PYHIN1: variants seen among roughly 807,000 people sequenced by gnomAD.
PYHIN1 encodes pyrin and HIN domain-containing protein 1.
A neutral mutation model predicts 43.7 loss-of-function variants in PYHIN1; 32 were observed. That is an observed-to-expected ratio of 0.73 (90% CI 0.55 to 0.98). The LOEUF (loss-of-function observed/expected upper bound fraction) is 0.98. Ranked by LOEUF, PYHIN1 falls within the 50% of genes least tolerant of loss-of-function variation. The pLI is 0.00. For synonymous variants in PYHIN1, 205 were observed against 203.1 expected (o/e 1.01, Z -0.08); for missense variants, 588 against 589.5 (o/e 1.00, Z 0.03).
At chr1:158,939,361 T>C in intron 4 of PYHIN1, 114 bp downstream of exon 4, 2 of 1,605,240 alleles carry the variant, frequency 1.2e-6, no homozygotes, top group South Asian at 1.1e-5. Flanking sequence ...ATCAAATGTA[T>C]AGACTGAGAA....
At chr1:158,987,493 G>A in the PYHIN1 span, among the ~76,000 whole-genome samples, 1 of 151,922 alleles carries the variant, frequency 6.6e-6, no homozygotes. Context: ...TCCACTGGTT[G>A]TCTTCTCATA....
intron 1 of PYHIN1, among the ~76,000 whole-genome samples, chr1:158,934,482 A>G (rs940301060): frequency 6.6e-6 from 1 of 151,842 alleles, no homozygotes; most frequent in Non-Finnish European, 1.5e-5. Context: ...TAATTTTTGG[A>G]TCTTTGCAGG....
chr1:158,937,622 C>T (rs1378768103), intron 2 of PYHIN1, among the ~76,000 whole-genome samples: 1 of 152,086 alleles, frequency 6.6e-6, no homozygotes, highest in Non-Finnish European at 1.5e-5. Flanking sequence ...TGAAGACCTC[C>T]CCTCTTGTCA....
At chr1:158,969,473 G>A (rs2101728468) in intron 7 of PYHIN1, among the ~76,000 whole-genome samples, 1 of 151,988 alleles carries the variant, frequency 6.6e-6, no homozygotes, top group South Asian at 2.1e-4. Context: ...TAATACATGT[G>A]TACCAGTTGA....
chr1:158,967,703 G>T (rs556400715), intron 7 of PYHIN1, among the ~76,000 whole-genome samples: 3 of 152,060 alleles, frequency 2.0e-5, no homozygotes, highest in South Asian at 2.1e-4. Flanking sequence ...ATACTGCAAG[G>T]TTACAGTAAC....
chr1:158,985,538 G>T, the PYHIN1 span, among the ~76,000 whole-genome samples: 100,183 of 152,014 alleles, frequency 0.66, 35,663 homozygotes, highest in Non-Finnish European at 0.79. Flanking sequence ...TGTGATAAGG[G>T]TTCCCTTTGT....
the PYHIN1 span, among the ~76,000 whole-genome samples, chr1:158,989,927 C>T: frequency 6.5e-3 from 982 of 151,634 alleles, 10 homozygotes; most frequent in African/African-American, 0.023. Flanking sequence ...TTCCATAAAA[C>T]TTGTATTTGT....
At chr1:158,964,813 G>A (rs1104171) in intron 7 of PYHIN1, among the ~76,000 whole-genome samples, 141,901 of 152,228 alleles carry the variant, frequency 0.93, 66,932 homozygotes, top group East Asian at 1. Context: ...GTGACACTAT[G>A]AAGCAACCAC....
downstream of PYHIN1, among the ~76,000 whole-genome samples, chr1:158,979,605 T>C (rs1391572622): frequency 1.3e-5 from 2 of 152,210 alleles, no homozygotes; most frequent in African/African-American, 4.8e-5. Context: ...TCACATCTTG[T>C]CTATTTTGAA....
intron 7 of PYHIN1, among the ~76,000 whole-genome samples, chr1:158,971,315 G>A (rs1020450913): frequency 8.6e-5 from 13 of 152,038 alleles, no homozygotes; most frequent in African/African-American, 3.1e-4. Context: ...ATTTTCCTTA[G>A]TAAAGAGAGT....
At position 158,939,132 on chromosome 1, in the gene PYHIN1, C is replaced by G; in HGVS notation, c.464C>G (p.Ser155Cys). 6.2e-7 allele frequency: 1 copy of G among 1,612,758 alleles called. No homozygotes were observed. The highest frequency in any genetic ancestry group is 8.5e-7 in the Non-Finnish European group (1 of 1,179,668). ...EETGTKRSKM[S>C]KEQTRPSCSA... ...ACTGGAACCAAAAGGAGTAAGATGT[C>G]CAAAGAGCAGACTCGGCCTTCCTGC... is the stretch of plus-strand genomic sequence containing the variant. The change falls in exon 4 of 9, where the codon TCC (serine) becomes TGC (cysteine). Residue 155 changes from serine (S) to cysteine (C), a missense_variant. Transcript: ENST00000368140.
chr1:158,931,790 G>A lies in PYHIN1; in HGVS notation c.-21+14G>A, dbSNP rs1304864399. ...ATTCCCAGTAAGGTGAGTACTGTGG[G>A]TATTTTTTATAGAAAAGATCTAGAT... On this transcript the variant is annotated intron_variant, in intron 1 of 8. Coordinates refer to ENST00000368140, the MANE Select transcript of PYHIN1 (RefSeq NM_152501.5). 2 of 152,104 alleles carry A rather than the reference G, an allele frequency of 1.3e-5. No homozygotes were observed. Among genetic ancestry groups the A allele is most frequent in the Non-Finnish European group, 2.9e-5 (2 of 68,020 alleles). The allele number at this position is 152,104 out of a possible 1,614,324, so 9.4% of individuals were successfully genotyped here.
intron 7 of PYHIN1, among the ~76,000 whole-genome samples, chr1:158,970,901 T>G (rs1571783299): frequency 6.6e-6 from 1 of 152,082 alleles, no homozygotes; most frequent in African/African-American, 2.4e-5. Flanking sequence ...AATCATGAGG[T>G]TCAGAGAAGT....
chr1:158,978,410 G>T (rs1190510560), downstream of PYHIN1, among the ~76,000 whole-genome samples: 1 of 152,096 alleles, frequency 6.6e-6, no homozygotes, highest in East Asian at 1.9e-4. Flanking sequence ...GAGTGAAGTG[G>T]TCAAAATCAC....
rs569238161 is a variant in PYHIN1 at position 158,973,665 on chromosome 1, G to A, written c.1378G>A (p.Gly460Arg). ...SFTKKDETHPGAQSSPANFRI... is the reference protein window; with the variant it reads ...SFTKKDETHPRAQSSPANFRI... ...ACTCCAGAAGGATGAAACCCACCCA[G>A]GAGCACAGTCATCGCCTGCAAACTT... Residue 460 changes from glycine (G) to arginine (R), a missense_variant, in exon 8 of 9, where the codon GGA becomes AGA. Gly to Arg is a moderately radical substitution (Grantham distance 125). Transcript: ENST00000368140. 227 of 1,613,050 alleles carry A rather than the reference G, an allele frequency of 1.4e-4. 1 individual carries two copies. In the South Asian group the frequency reaches 2.4e-3, roughly 17 times the overall value.
chr1:158,982,100 CT>C, the PYHIN1 span, among the ~76,000 whole-genome samples: 2 of 152,060 alleles, frequency 1.3e-5, no homozygotes. Flanking sequence ...TCTTTTTATT[CT>C]GTTGATAGTC....
At chr1:158,969,256 C>T (rs575911201) in intron 7 of PYHIN1, among the ~76,000 whole-genome samples, 3 of 152,038 alleles carry the variant, frequency 2.0e-5, no homozygotes, top group East Asian at 3.9e-4. Flanking sequence ...TGCAAGGCTT[C>T]GCATGAGAAA....
chr1:158,944,561 G>C (rs1446686733), intron 6 of PYHIN1, among the ~76,000 whole-genome samples: 1 of 152,140 alleles, frequency 6.6e-6, no homozygotes, highest in Non-Finnish European at 1.5e-5. Flanking sequence ...TATGTGGAAA[G>C]GTATGAGAAA....
chr1:158,980,069 C>A (rs1375534934), downstream of PYHIN1, among the ~76,000 whole-genome samples: 1 of 152,144 alleles, frequency 6.6e-6, no homozygotes, highest in East Asian at 1.9e-4. Flanking sequence ...TGATTTGTTG[C>A]AGGAAGTCAG....
Sources: gnomAD v4.1 joint callset for allele counts (sites outside exome capture counted in the v4.1 genomes callset) on GRCh38, gnomAD v4.1.1 for gene constraint, MANE v1.5 for transcripts, NCBI Gene and HGNC (gene_info 2026-07-23, HGNC 2026-07-21) for gene names.